The following FAM168B variants were observed in gnomAD, a reference collection of about 807,000 sequenced individuals.
FAM168B encodes the protein family with sequence similarity 168 member B.
FAM168B carries 19 observed loss-of-function variants against 21.8 expected under a neutral mutation model. The observed-to-expected ratio is 0.87, with a 90% CI of 0.61 to 1.28. The LOEUF is 1.28. Ranked by LOEUF, FAM168B falls within the 50% of genes most tolerant of loss-of-function variation. FAM168B has a pLI of 0.00. For missense variants in FAM168B, 233 were observed against 263.1 expected, an observed-to-expected ratio of 0.89 and a Z score of 0.79; for synonymous variants, 126 against 104.8, an observed-to-expected ratio of 1.20 and a Z score of -1.24.
In FAM168B at chr2:131,049,811, G is replaced by A. The variant is rs776271128; in HGVS notation, c.*2654C>T. On this transcript the variant is annotated 3_prime_UTR_variant, in exon 7 of 7. Transcript: ENST00000389915. ...CTCAGAATGCTCCACCATATGCTTCGGGACAAATTATGAAGCTTTGTAACA... is the reference window on the plus strand; with the variant it reads ...CTCAGAATGCTCCACCATATGCTTCAGGACAAATTATGAAGCTTTGTAACA... 237 of 985,672 alleles carry A rather than the reference G, an allele frequency of 2.4e-4. 3 individuals carry two copies. The highest frequency in any genetic ancestry group is 6.3e-5 in the Non-Finnish European group (52 of 829,940). 61.1% of individuals were successfully genotyped at this position (985,672 alleles called of 1,614,324 possible). A position where few individuals can be genotyped will look rare whatever the true frequency, so the allele number is the denominator to read the frequency against.
chr2:131,090,418 C>A (rs543761196), intron 1 of FAM168B, among the ~76,000 whole-genome samples: 3 of 151,932 alleles, frequency 2.0e-5, no homozygotes, highest in Middle Eastern at 3.4e-3. Flanking sequence ...CCACACAGAG[C>A]ACTAAGTATG....
intron 1 of FAM168B, among the ~76,000 whole-genome samples, chr2:131,092,005 G>A (rs1322991090): frequency 6.6e-6 from 1 of 151,478 alleles, no homozygotes; most frequent in South Asian, 2.1e-4. Flanking sequence ...TTAGCCAGGC[G>A]TGGTGGCGGG....
intron 3 of FAM168B, among the ~76,000 whole-genome samples, chr2:131,068,160 T>C (rs1005872330): frequency 1.3e-5 from 2 of 152,104 alleles, no homozygotes; most frequent in Non-Finnish European, 2.9e-5. Context: ...GAAAGACTTT[T>C]TCTTTTTTCT....
At chr2:131,054,047 G>A (rs554935111) in intron 5 of FAM168B, among the ~76,000 whole-genome samples, 7 of 151,660 alleles carry the variant, frequency 4.6e-5, no homozygotes, top group African/African-American at 1.7e-4. Context: ...CTACCAAAAG[G>A]TACAAAAAAA....
chr2:131,049,999 A>C lies in FAM168B; in HGVS notation c.*2466T>G, dbSNP rs1448030664. On this transcript the variant is annotated 3_prime_UTR_variant, in exon 7 of 7. Transcript: ENST00000389915. Reference sequence around the variant, plus strand: ...ACAGCTGACGTCCTAAAAATTTCAAAGTCAGAAAGATTTCTGCACGGATGT... The same window carrying C: ...ACAGCTGACGTCCTAAAAATTTCAACGTCAGAAAGATTTCTGCACGGATGT... 4.1e-6 allele frequency: 4 copies of C among 985,362 alleles called. No individual in the cohort carries two copies. The highest frequency in any genetic ancestry group is 3.6e-6 in the Non-Finnish European group (3 of 829,936). The allele number at this position is 985,362 out of a possible 1,614,324, so 61.0% of individuals were successfully genotyped here.
intron 2 of FAM168B, among the ~76,000 whole-genome samples, chr2:131,077,621 G>T (rs1693225399): frequency 2.6e-5 from 4 of 152,226 alleles, no homozygotes; most frequent in Admixed American, 2.6e-4. Context: ...GACCTGGGCG[G>T]TGCTTGTCAA....
rs145577811 is a variant in FAM168B at position 131,055,628 on chromosome 2, G to A, written c.222C>T (p.Ser74=). The change falls in exon 4 of 7, where the codon TCC becomes TCT. Residue 74 remains serine, a synonymous_variant. Coordinates refer to ENST00000389915, the MANE Select transcript of FAM168B (RefSeq NM_001009993.4). ...SPTSGAVPPY[S]SSPNPYQTAV... is the part of the protein sequence containing the mutation. ...CAGTCTGGTAGGGGTTCGGGGAGGAGGAGTACGGTGGCACAGCCCCGCTGG... is the reference window on the plus strand; with the variant it reads ...CAGTCTGGTAGGGGTTCGGGGAGGAAGAGTACGGTGGCACAGCCCCGCTGG... The A allele has an allele frequency of 2.9e-5, 46 of 1,612,884 alleles. No individual in the cohort carries two copies. In the African/African-American group the frequency reaches 3.6e-4, roughly 13 times the overall value.
At chr2:131,076,791 C>T (rs1049183914) in intron 2 of FAM168B, among the ~76,000 whole-genome samples, 4 of 151,952 alleles carry the variant, frequency 2.6e-5, no homozygotes, top group Non-Finnish European at 5.9e-5. Context: ...ACACTTAATA[C>T]GTAAGTAACT....
chr2:131,064,117 A>G (rs1208834742), intron 3 of FAM168B, among the ~76,000 whole-genome samples: 1 of 152,050 alleles, frequency 6.6e-6, no homozygotes. Flanking sequence ...CCCTCCTTCC[A>G]CTTCACCAGA....
chr2:131,053,173 C>G (rs1691800878), intron 5 of FAM168B, among the ~76,000 whole-genome samples, 158 bp from the exon 6 acceptor site: 1 of 152,298 alleles, frequency 6.6e-6, no homozygotes, highest in East Asian at 1.9e-4. Context: ...TAGATAATCC[C>G]CCACACCCAA....
In FAM168B at chr2:131,050,802, A is replaced by G. The variant is rs577142616; in HGVS notation, c.*1663T>C. ...GCCCTGACCCAGCTACCAGCAAATG[A>G]AGAGGAGCAGAGCCCCCTCCCCACC... On this transcript the variant is annotated 3_prime_UTR_variant, in exon 7 of 7. Transcript: ENST00000389915. 4,288 of 985,414 alleles carry G rather than the reference A, an allele frequency of 4.4e-3. 15 individuals carry two copies. The highest frequency in any genetic ancestry group is 5.0e-3 in the Non-Finnish European group (4,173 of 829,964). 61.0% of individuals were successfully genotyped at this position (985,414 alleles called of 1,614,324 possible). A position where few individuals can be genotyped will look rare whatever the true frequency, so the allele number is the denominator to read the frequency against.
chr2:131,071,634 G>A (rs1457209721), intron 3 of FAM168B, among the ~76,000 whole-genome samples: 1 of 152,156 alleles, frequency 6.6e-6, no homozygotes, highest in Non-Finnish European at 1.5e-5. Flanking sequence ...ACAACCTAGT[G>A]ATTACAGATT....
intron 3 of FAM168B, among the ~76,000 whole-genome samples, chr2:131,057,339 A>T (rs1350590331): frequency 1.3e-5 from 2 of 152,230 alleles, no homozygotes; most frequent in Non-Finnish European, 2.9e-5. Flanking sequence ...ATTACTCAGC[A>T]ATCAAAAGGA....
At chr2:131,092,767 C>CT (rs1464594305) in intron 1 of FAM168B, among the ~76,000 whole-genome samples, 1 of 151,976 alleles carries the variant, frequency 6.6e-6, no homozygotes, top group African/African-American at 2.4e-5. Context: ...TAAATCGTGC[C>CT]TTTTCAAGCT....
At chr2:131,079,510 G>A (rs920017057) in intron 2 of FAM168B, among the ~76,000 whole-genome samples, 2 of 152,162 alleles carry the variant, frequency 1.3e-5, no homozygotes, top group Non-Finnish European at 2.9e-5. Context: ...AGGAGAGGAT[G>A]TGACCATGGA....
At chr2:131,063,028 G>A (rs2105489730) in intron 3 of FAM168B, among the ~76,000 whole-genome samples, 1 of 152,342 alleles carries the variant, frequency 6.6e-6, no homozygotes, top group Non-Finnish European at 1.5e-5. Context: ...AGGATGGATG[G>A]AGTAATGTGT....
Position 131,055,680 on chromosome 2 carries a change from G to A in FAM168B, c.170C>T (p.Thr57Ile). ...PTFQTGYTPG[T>I]PYKVSCSPTS... ...GGGGGAACAGGACACTTTGTAAGGT[G>A]TGCCAGGAGTGTAACCTGGAACAAA... Residue 57 changes from threonine to isoleucine, a missense_variant, in exon 4 of 7, where the codon ACA (threonine) becomes ATA (isoleucine). Coordinates refer to ENST00000389915, the MANE Select transcript of FAM168B (RefSeq NM_001009993.4). The A allele has an allele frequency of 6.2e-7, 1 of 1,613,876 alleles. No homozygotes were observed. Among genetic ancestry groups the A allele is most frequent in the Non-Finnish European group, 8.5e-7 (1 of 1,179,894 alleles).
Position 131,051,096 on chromosome 2 carries a change from G to C in FAM168B, c.*1369C>G. ...CTGCCAGCAAACGCACTCCAGCACT[G>C]CCTGGCCCTCTCTGCTGTCTGTGCT... On this transcript the variant is annotated 3_prime_UTR_variant, in exon 7 of 7. Transcript: ENST00000389915. 2.0e-6 allele frequency: 2 copies of C among 985,380 alleles called. No homozygotes were observed. The allele number at this position is 985,380 out of a possible 1,614,324, so 61.0% of individuals were successfully genotyped here.
At chr2:131,078,192 A>C (rs891839499) in intron 2 of FAM168B, among the ~76,000 whole-genome samples, 2 of 152,258 alleles carry the variant, frequency 1.3e-5, no homozygotes, top group Admixed American at 1.3e-4. Flanking sequence ...AATGGACAAT[A>C]AAAACTGACG....
Sources: gnomAD v4.1 joint callset for allele counts (sites outside exome capture counted in the v4.1 genomes callset) on GRCh38, gnomAD v4.1.1 for gene constraint, MANE v1.5 for transcripts, NCBI Gene and HGNC (gene_info 2026-07-23, HGNC 2026-07-21) for gene names.